The following ARPC2 variants were observed in gnomAD, a reference collection of about 807,000 sequenced individuals.
ARPC2 encodes the protein actin-related protein 2/3 complex subunit 2.
Under a neutral mutation model 38.6 loss-of-function variants are expected in ARPC2, and 4 were observed. The observed-to-expected ratio is 0.10, with a 90% CI of 0.05 to 0.24. The LOEUF (loss-of-function observed/expected upper bound fraction) is 0.24, where lower values mean the gene tolerates loss of function less well. Among genes scored for constraint, ARPC2 ranks in the 10% least tolerant of loss-of-function variants. The pLI is 1.00. For synonymous variants in ARPC2, 125 were observed against 140.8 expected, an observed-to-expected ratio of 0.89 and a Z score of 0.79; for missense variants, 229 against 387.3, an observed-to-expected ratio of 0.59 and a Z score of 3.43.
Position 218,238,708 on chromosome 2 carries a change from T to C in ARPC2, c.313T>C (p.Ser105Pro). 1 of 1,608,046 alleles carries C rather than the reference T, an allele frequency of 6.2e-7. No homozygotes were observed. The highest frequency in any genetic ancestry group is 2.3e-5 in the East Asian group (1 of 44,330). ...LLYDLENLPA[S>P]KDSIVHQAGM... ...ATATGACCTTGAAAATCTTCCGGCA[T>C]CCAAGGATTCCATTGTGCATCAAGC... Residue 105 changes from serine to proline, a missense_variant, in exon 6 of 11, where the codon TCC (serine) becomes CCC (proline). Ser to Pro is a moderately conservative substitution (Grantham distance 74). Coordinates refer to ENST00000315717, the MANE Select transcript of ARPC2 (RefSeq NM_152862.3).
intron 7 of ARPC2, 127 bp from the exon 8 acceptor site, chr2:218,245,293 T>C: frequency 4.1e-6 from 5 of 1,223,362 alleles, no homozygotes; most frequent in Non-Finnish European, 5.7e-6. Context: ...TGGTGTAGTT[T>C]ATTTTTAACC....
chr2:218,219,482 TG>T (rs1202733042), intron 2 of ARPC2, among the ~76,000 whole-genome samples: 1 of 151,992 alleles, frequency 6.6e-6, no homozygotes, highest in Non-Finnish European at 1.5e-5. Context: ...CCCAAGTAGC[TG>T]GGATTACAAG....
At chr2:218,237,263 G>A (rs891437657) in intron 5 of ARPC2, among the ~76,000 whole-genome samples, 12 of 151,828 alleles carry the variant, frequency 7.9e-5, no homozygotes, top group African/African-American at 1.7e-4. Flanking sequence ...GCCGTGGCGC[G>A]ATCTCAGCTC....
Position 218,238,865 on chromosome 2 carries a change from TG to T in ARPC2, c.455+17del. 6.3e-7 allele frequency: 1 copy of T among 1,593,028 alleles called. No homozygotes were observed. The highest frequency in any genetic ancestry group is 1.7e-5 in the Admixed American group (1 of 58,608). On this transcript the variant is annotated intron_variant, in intron 6 of 10. Coordinates refer to ENST00000315717, the MANE Select transcript of ARPC2 (RefSeq NM_152862.3). Reference sequence around the variant, plus strand: ...GATGAGACCATGTGAGTATAGAATTTGGTCCTGAAGCCTGGATATGGCTGCT... The same window carrying T: ...GATGAGACCATGTGAGTATAGAATTTGTCCTGAAGCCTGGATATGGCTGCT...
At position 218,250,693 on chromosome 2, in the gene ARPC2, C is replaced by T. The variant is rs1286485817; in HGVS notation, c.878+772C>T. 2.6e-5 allele frequency among the ~76,000 whole-genome samples: 4 copies of T among 151,630 alleles called. No individual in the cohort carries two copies. In the South Asian group the frequency reaches 6.2e-4, roughly 24 times the overall value. On this transcript the variant is annotated intron_variant, in intron 10 of 10. Coordinates refer to ENST00000315717, the MANE Select transcript of ARPC2 (RefSeq NM_152862.3). ...AAAAAAAAAAAAATTTGAGGAGAGC[C>T]CTAAATAGGGGTGTGGCTCTGCATG...
At chr2:218,226,978 G>A (rs537956082) in intron 3 of ARPC2, 2 of 456,456 alleles carry the variant, frequency 4.4e-6, no homozygotes, top group African/African-American at 2.0e-5. Flanking sequence ...TTAGGTGTTG[G>A]TACTATTTAC....
chr2:218,237,240 C>T (rs1689795518), intron 5 of ARPC2, among the ~76,000 whole-genome samples: 1 of 152,072 alleles, frequency 6.6e-6, no homozygotes, highest in Non-Finnish European at 1.5e-5. Flanking sequence ...ACTCTTGTTG[C>T]TCAGGCTGGA....
chr2:218,217,657 G>T (rs964596365), intron 2 of ARPC2, 113 bp downstream of exon 2: 3 of 1,158,512 alleles, frequency 2.6e-6, no homozygotes, highest in Non-Finnish European at 1.2e-6. Flanking sequence ...TGCCTGGCAG[G>T]GTGTAGGGGC....
intron 7 of ARPC2, 108 bp from the exon 8 acceptor site, chr2:218,245,312 G>A (rs2106157487): frequency 7.1e-7 from 1 of 1,400,510 alleles, no homozygotes; most frequent in Non-Finnish European, 9.9e-7. Flanking sequence ...CCTCCTGCTG[G>A]TCTGGAGGGC....
chr2:218,253,552 G>A (rs1347092989), intron 10 of ARPC2, among the ~76,000 whole-genome samples: 1 of 152,184 alleles, frequency 6.6e-6, no homozygotes, highest in Non-Finnish European at 1.5e-5. Flanking sequence ...CTAAGAAGAC[G>A]GTTTGAGCCT....
At chr2:218,247,919 G>A (rs1288577045) in intron 8 of ARPC2, among the ~76,000 whole-genome samples, 1 of 150,874 alleles carries the variant, frequency 6.6e-6, no homozygotes, top group Non-Finnish European at 1.5e-5. Flanking sequence ...CTCCAGCCTG[G>A]GCGACAGAAC....
chr2:218,228,932 A>G (rs1689568842), intron 4 of ARPC2, 82 bp downstream of exon 4: 4 of 879,386 alleles, frequency 4.5e-6, no homozygotes, highest in Non-Finnish European at 7.4e-6. Context: ...GATCCATGGC[A>G]CTAAATCACC....
At chr2:218,230,261 C>A (rs527771712) in intron 4 of ARPC2, among the ~76,000 whole-genome samples, 1 of 150,518 alleles carries the variant, frequency 6.6e-6, no homozygotes, top group Non-Finnish European at 1.5e-5. Context: ...TGTGAGCCAC[C>A]GTGCCCAGCC....
At chr2:218,230,311 T>TTTTTTTTTTTTTTTTTG (rs1404699590) in intron 4 of ARPC2, among the ~76,000 whole-genome samples, 1 of 110,244 alleles carries the variant, frequency 9.1e-6, no homozygotes, top group African/African-American at 4.3e-5. Context: ...TTTTTTTTTT[T>TTTTTTTTTTTTTTTTTG]GACAAGGTCT....
intron 8 of ARPC2, 49 bp from the exon 9 acceptor site, chr2:218,249,315 T>C (rs369654866): frequency 7.4e-7 from 1 of 1,347,600 alleles, no homozygotes; most frequent in Non-Finnish European, 1.1e-6. Flanking sequence ...CCCCACCCTT[T>C]GGCATTTGTG....
At chr2:218,230,412 C>T (rs924309909) in intron 4 of ARPC2, among the ~76,000 whole-genome samples, 6 of 149,860 alleles carry the variant, frequency 4.0e-5, no homozygotes, top group Non-Finnish European at 8.9e-5. Context: ...TCACCTCAGC[C>T]TCCTGAGTGT....
intron 7 of ARPC2, among the ~76,000 whole-genome samples, chr2:218,244,580 A>G (rs909946426): frequency 2.0e-5 from 3 of 152,228 alleles, no homozygotes; most frequent in Admixed American, 1.3e-4. Flanking sequence ...ATGGTAAAAT[A>G]TCATAGTAGA....
intron 4 of ARPC2, among the ~76,000 whole-genome samples, chr2:218,232,540 G>A (rs1325508732): frequency 6.8e-6 from 1 of 146,362 alleles, no homozygotes; most frequent in Non-Finnish European, 1.5e-5. Flanking sequence ...GAGAGGGCCA[G>A]ACTCAATTTT....
intron 10 of ARPC2, among the ~76,000 whole-genome samples, chr2:218,250,151 A>G (rs1273634165): frequency 2.0e-5 from 3 of 152,198 alleles, no homozygotes; most frequent in Non-Finnish European, 4.4e-5. Context: ...GCAGCTAGGA[A>G]ATAAACAAAG....
Sources: allele counts gnomAD v4.1 joint callset (sites outside exome capture counted in the v4.1 genomes callset), GRCh38; gene constraint gnomAD v4.1.1; transcripts MANE v1.5; gene names NCBI Gene and HGNC (gene_info 2026-07-23, HGNC 2026-07-21).